Variants in PDE12 observed in about 807,000 individuals in gnomAD.
The protein encoded by PDE12 is 2',5'-phosphodiesterase 12.
A neutral mutation model predicts 45.4 loss-of-function variants in PDE12; 26 were observed. The observed-to-expected ratio is 0.57, with a 90% CI of 0.42 to 0.79. The LOEUF (loss-of-function observed/expected upper bound fraction) is 0.79. Ranked by LOEUF, PDE12 falls within the 30% of genes least tolerant of loss-of-function variation. The pLI is 0.00. For missense variants in PDE12, 668 were observed against 790.0 expected (o/e 0.85, Z 1.85); for synonymous variants, 283 against 323.9 (o/e 0.87, Z 1.36).
chr3:57,598,074 C>T, the PDE12 span: 2 of 152,114 alleles, frequency 1.3e-5, no homozygotes. Context: ...TCTTGCTTTT[C>T]TTGTACTTTT....
the PDE12 span, among the ~76,000 whole-genome samples, chr3:57,624,295 C>T: frequency 2.6e-5 from 4 of 152,062 alleles, no homozygotes; most frequent in Admixed American, 1.3e-4. Flanking sequence ...CGAATACAGG[C>T]GCCCGCCACC....
the PDE12 span, among the ~76,000 whole-genome samples, chr3:57,590,013 C>T: frequency 1.3e-5 from 2 of 150,500 alleles, no homozygotes; most frequent in Admixed American, 6.7e-5. Context: ...ATTGCTTGAA[C>T]CCGGGAGGTG....
chr3:57,606,431 A>C, the PDE12 span, among the ~76,000 whole-genome samples: 1 of 152,208 alleles, frequency 6.6e-6, no homozygotes, highest in Non-Finnish European at 1.5e-5. Context: ...CAGACATGCA[A>C]AAGTTGAAAG....
At chr3:57,580,091 T>C in the PDE12 span, among the ~76,000 whole-genome samples, 4 of 151,986 alleles carry the variant, frequency 2.6e-5, no homozygotes, top group African/African-American at 9.7e-5. Context: ...GGTAACAGAG[T>C]GAGACCCCAT....
At chr3:57,570,011 G>C (rs1409766990), downstream of PDE12, among the ~76,000 whole-genome samples, 4 of 151,832 alleles carry the variant, frequency 2.6e-5, no homozygotes, top group Non-Finnish European at 5.9e-5. Flanking sequence ...TTTCCTAGTT[G>C]ATGCCCCATA....
At chr3:57,594,386 C>A in the PDE12 span, among the ~76,000 whole-genome samples, 1 of 152,212 alleles carries the variant, frequency 6.6e-6, no homozygotes, top group South Asian at 2.1e-4. Flanking sequence ...CCACACCTGG[C>A]CAGAAGCTAT....
the PDE12 span, among the ~76,000 whole-genome samples, chr3:57,576,629 G>A: frequency 6.6e-6 from 1 of 150,528 alleles, no homozygotes; most frequent in East Asian, 2.0e-4. Context: ...TCTAATCTTA[G>A]GAGGAATGAA....
chr3:57,592,740 TTC>T, the PDE12 span, among the ~76,000 whole-genome samples: 1 of 152,196 alleles, frequency 6.6e-6, no homozygotes, highest in Non-Finnish European at 1.5e-5. Flanking sequence ...TTTTTGCCTT[TTC>T]TGTTTCCTAT....
chr3:57,585,665 C>CTT, the PDE12 span, among the ~76,000 whole-genome samples: 100,224 of 137,086 alleles, frequency 0.73, 39,172 homozygotes, highest in East Asian at 0.99. Flanking sequence ...TATCTAAATT[C>CTT]TTTTTTTTTT....
At chr3:57,646,567 C>A in the PDE12 span, 6 of 1,285,874 alleles carry the variant, frequency 4.7e-6, no homozygotes, top group Admixed American at 6.4e-5. Flanking sequence ...TGATCTGATA[C>A]ACAAATTCAT....
Position 57,556,735 on chromosome 3 carries a change from G to T in PDE12, c.356G>T (p.Cys119Phe). ...CCGGGGCCTGAGCCGGCTGTGTTCT[G>T]CGAGCCCGTGGTGAAGCTGTACTAC... ...SGPGPEPAVF[C>F]EPVVKLYYRE... Residue 119 changes from cysteine to phenylalanine, a missense_variant, in exon 1 of 3, where the codon TGC becomes TTC. Cys to Phe is a radical substitution (Grantham distance 205, BLOSUM62 -2). Transcript: ENST00000311180. The surrounding 1 kb of genome is among the most constrained non-coding windows in gnomAD (Gnocchi z 5.0). The T allele has an allele frequency of 6.3e-7, 1 of 1,596,918 alleles. No individual in the cohort carries two copies. The highest frequency in any genetic ancestry group is 1.7e-5 in the Admixed American group (1 of 59,544).
chr3:57,594,383 T>C, the PDE12 span, among the ~76,000 whole-genome samples: 7 of 152,196 alleles, frequency 4.6e-5, no homozygotes, highest in Admixed American at 4.6e-4. Flanking sequence ...CCACCACACC[T>C]GGCCAGAAGC....
At chr3:57,572,011 A>C in the PDE12 span, 9 of 482,518 alleles carry the variant, frequency 1.9e-5, no homozygotes, top group Non-Finnish European at 3.0e-5. Flanking sequence ...TTTTTTCCCA[A>C]GGAGAATTTC....
the PDE12 span, among the ~76,000 whole-genome samples, chr3:57,609,409 G>A: frequency 2.4e-3 from 370 of 152,156 alleles, 2 homozygotes; most frequent in Non-Finnish European, 3.7e-3. Flanking sequence ...AGGAGATACA[G>A]ACACAAAAAA....
At chr3:57,575,647 T>G in the PDE12 span, 1 of 1,611,996 alleles carries the variant, frequency 6.2e-7, no homozygotes, top group East Asian at 2.2e-5. Flanking sequence ...GTAGCAGCAC[T>G]GCATCTCTCA....
Position 57,560,272 on chromosome 3 carries a change from A to T in PDE12, c.*268A>T. 8.4e-7 allele frequency: 1 copy of T among 1,191,772 alleles called. No individual in the cohort carries two copies. The highest frequency in any genetic ancestry group is 1.0e-6 in the Non-Finnish European group (1 of 960,374). 73.8% of individuals were successfully genotyped at this position (1,191,772 alleles called of 1,614,324 possible). Reference sequence around the variant, plus strand: ...TTGAATTATTTTTCTCCAAATTGAGACTCTCAGAAAAGGAAGATTGAATTA... The same window carrying T: ...TTGAATTATTTTTCTCCAAATTGAGTCTCTCAGAAAAGGAAGATTGAATTA... On this transcript the variant is annotated 3_prime_UTR_variant, in exon 3 of 3. Transcript: ENST00000311180.
rs1575774969 is a variant in PDE12, at chr3:57,563,983, T to C, written c.*3979T>C. ...TAATATATAAGTTCTGTGTTCTCACTTTATATGAAAGTACTTTTTTAAATG... is the reference window on the plus strand; with the variant it reads ...TAATATATAAGTTCTGTGTTCTCACCTTATATGAAAGTACTTTTTTAAATG... On this transcript the variant is annotated 3_prime_UTR_variant, in exon 3 of 3. Coordinates refer to ENST00000311180, the MANE Select transcript of PDE12 (RefSeq NM_177966.7). 1 of 152,370 alleles carries C rather than the reference T, an allele frequency of 6.6e-6. No homozygotes were observed. Among genetic ancestry groups the C allele is most frequent in the Middle Eastern group, 3.4e-3 (1 of 294 alleles). The allele number at this position is 152,370 out of a possible 1,614,324, so 9.4% of individuals were successfully genotyped here.
chr3:57,585,083 C>CA, the PDE12 span, among the ~76,000 whole-genome samples: 1 of 152,018 alleles, frequency 6.6e-6, no homozygotes, highest in Admixed American at 6.6e-5. Context: ...AGGCTGGTCT[C>CA]AAACTCCTGG....
chr3:57,622,475 T>C, the PDE12 span, among the ~76,000 whole-genome samples: 3 of 152,168 alleles, frequency 2.0e-5, no homozygotes, highest in Non-Finnish European at 2.9e-5. Flanking sequence ...ACAATACTTA[T>C]AGAAAACAAA....
Sources: gnomAD v4.1 joint callset for allele counts (sites outside exome capture counted in the v4.1 genomes callset) on GRCh38, gnomAD v4.1.1 for gene constraint, Gnocchi (gnomAD v3.1) non-coding constraint, MANE v1.5 for transcripts, NCBI Gene and HGNC (gene_info 2026-07-23, HGNC 2026-07-21) for gene names.